DRD2: variants seen among roughly 807,000 people sequenced by gnomAD.
DRD2 encodes D(2) dopamine receptor.
Under a neutral mutation model 38.0 loss-of-function variants are expected in DRD2, and 8 were observed. The ratio of observed to expected loss-of-function variants is 0.21; its 90% CI spans 0.12 to 0.38. The LOEUF is 0.38. Among genes scored for constraint, DRD2 ranks in the 10% least tolerant of loss-of-function variants. The probability of loss-of-function intolerance (pLI) is 1.00; values close to 1 mark genes in which losing one functional copy is unlikely to be tolerated. For synonymous variants in DRD2, 230 were observed against 238.6 expected (o/e 0.96, Z 0.33); for missense variants, 403 against 607.7 (o/e 0.66, Z 3.54).
At chr11:113,472,542 GACTA>G (rs1300597289) in intron 1 of DRD2, among the ~76,000 whole-genome samples, 2 of 152,184 alleles carry the variant, frequency 1.3e-5, no homozygotes, top group Non-Finnish European at 1.5e-5. Context: ...GAAGGTACAA[GACTA>G]ACTAGCCCAC....
intron 1 of DRD2, among the ~76,000 whole-genome samples, chr11:113,458,337 A>T (rs1054224870): frequency 5.3e-5 from 8 of 152,016 alleles, no homozygotes; most frequent in African/African-American, 1.9e-4. Context: ...TGCATATGTA[A>T]TCTCTGACCC....
chr11:113,421,537 A>G, intron 2 of DRD2, among the ~76,000 whole-genome samples: 1 of 152,168 alleles, frequency 6.6e-6, no homozygotes, highest in Non-Finnish European at 1.5e-5. Context: ...AACTCTTCCA[A>G]TAGCATCTAG....
chr11:113,429,404 C>T (rs963387021), intron 1 of DRD2, among the ~76,000 whole-genome samples: 12 of 152,148 alleles, frequency 7.9e-5, no homozygotes. Flanking sequence ...GCCACCATGT[C>T]CAGCTAATTT....
At chr11:113,438,763 A>C (rs751265140) in intron 1 of DRD2, among the ~76,000 whole-genome samples, 2 of 152,240 alleles carry the variant, frequency 1.3e-5, no homozygotes, top group Admixed American at 1.3e-4. Context: ...CTAAGGATGC[A>C]ACAGCTATGA....
At chr11:113,457,729 A>C (rs1951280608) in intron 1 of DRD2, among the ~76,000 whole-genome samples, 1 of 152,240 alleles carries the variant, frequency 6.6e-6, no homozygotes, top group Non-Finnish European at 1.5e-5. Flanking sequence ...CAGACCTCTG[A>C]AGTATCTAAT....
chr11:113,460,250 G>T (rs547360348), intron 1 of DRD2, among the ~76,000 whole-genome samples: 1 of 152,330 alleles, frequency 6.6e-6, no homozygotes, highest in East Asian at 1.9e-4. Context: ...GGCTGGCATT[G>T]GTGCCCTGCC....
At chr11:113,454,773 G>A (rs1157391374) in intron 1 of DRD2, among the ~76,000 whole-genome samples, 1 of 152,178 alleles carries the variant, frequency 6.6e-6, no homozygotes, top group Non-Finnish European at 1.5e-5. Flanking sequence ...ATATTATTCA[G>A]CCTTAAGAGA....
chr11:113,433,973 G>T lies in DRD2; in HGVS notation c.-31-9291C>A, dbSNP rs991667355. Among the ~76,000 whole-genome samples the T allele has an allele frequency of 3.3e-5, 5 of 152,150 alleles. No homozygotes were observed. In the South Asian group the frequency reaches 1.0e-3, roughly 31 times the overall value. ...AGGCAGCCACATGCACCCTCCTTGA[G>T]TCCCAACTCCTAACCCTAAGCCCCT... On this transcript the variant is annotated intron_variant, in intron 1 of 7. Coordinates refer to ENST00000362072, the MANE Select transcript of DRD2 (RefSeq NM_000795.4).
intron 1 of DRD2, among the ~76,000 whole-genome samples, chr11:113,449,308 G>C (rs1287218429): frequency 6.6e-6 from 1 of 152,148 alleles, no homozygotes; most frequent in African/African-American, 2.4e-5. Context: ...TGCTCCCATA[G>C]AGTCTGATAT....
At chr11:113,443,138 G>A (rs1951109291) in intron 1 of DRD2, among the ~76,000 whole-genome samples, 1 of 152,024 alleles carries the variant, frequency 6.6e-6, no homozygotes, top group Non-Finnish European at 1.5e-5. Flanking sequence ...TGTATGCTTG[G>A]GTTGTTTGAG....
intron 5 of DRD2, among the ~76,000 whole-genome samples, chr11:113,414,901 G>T (rs1340851151): frequency 6.6e-6 from 1 of 152,208 alleles, no homozygotes; most frequent in Non-Finnish European, 1.5e-5. Context: ...TGTTCCTTCT[G>T]TGCCCACACA....
At chr11:113,453,035 T>C (rs1031368391) in intron 1 of DRD2, among the ~76,000 whole-genome samples, 6 of 152,176 alleles carry the variant, frequency 3.9e-5, no homozygotes, top group African/African-American at 1.4e-4. Context: ...GCCTGTATTT[T>C]AGTCCTGGGG....
In DRD2 at chr11:113,461,722, G is replaced by A. The variant is rs185199052; in HGVS notation, c.-32+13354C>T. ...TAGAGCATTAGTCTGAGATCCTGGT[G>A]TATAGGAGGCATTTAATAAATGCTT... On this transcript the variant is annotated intron_variant, in intron 1 of 7. Transcript: ENST00000362072. 8.8e-4 allele frequency among the ~76,000 whole-genome samples: 134 copies of A among 152,314 alleles called. 1 individual carries two copies. Among genetic ancestry groups the A allele is most frequent in the African/African-American group, 3.1e-3 (127 of 41,552 alleles).
intron 1 of DRD2, among the ~76,000 whole-genome samples, chr11:113,472,382 G>T (rs1221905136): frequency 6.6e-6 from 1 of 152,192 alleles, no homozygotes; most frequent in Non-Finnish European, 1.5e-5. Context: ...TCAGGAGTAT[G>T]TGAGGCCATA....
chr11:113,445,381 G>A (rs925078228), intron 1 of DRD2, among the ~76,000 whole-genome samples: 3 of 152,156 alleles, frequency 2.0e-5, no homozygotes, highest in African/African-American at 7.2e-5. Context: ...AAGGGTATAG[G>A]GGAACTCTCT....
chr11:113,423,924 T>C (rs1426026675), intron 2 of DRD2, among the ~76,000 whole-genome samples: 2 of 152,184 alleles, frequency 1.3e-5, no homozygotes, highest in African/African-American at 2.4e-5. Flanking sequence ...ATGCCCCTCC[T>C]TGGGGATCCT....
chr11:113,418,224 C>T, intron 2 of DRD2, 88 bp from the exon 3 acceptor site: 1 of 1,103,136 alleles, frequency 9.1e-7, no homozygotes, highest in Non-Finnish European at 1.4e-6. Flanking sequence ...GCCGATGAGG[C>T]CACAGACTCA....
intron 6 of DRD2, 143 bp downstream of exon 6, chr11:113,414,232 T>G: frequency 3.7e-6 from 3 of 801,416 alleles, no homozygotes; most frequent in Non-Finnish European, 6.8e-6. Context: ...GTGTGCACGG[T>G]GAGTCTGCCT....
intron 1 of DRD2, among the ~76,000 whole-genome samples, chr11:113,467,354 G>T (rs1436051481): frequency 6.6e-6 from 1 of 152,166 alleles, no homozygotes; most frequent in Non-Finnish European, 1.5e-5. Flanking sequence ...CAACAAGAGG[G>T]ATTATCTTTA....
Sources: allele counts gnomAD v4.1 joint callset (sites outside exome capture counted in the v4.1 genomes callset), GRCh38; gene constraint gnomAD v4.1.1; transcripts MANE v1.5; gene names NCBI Gene and HGNC (gene_info 2026-07-23, HGNC 2026-07-21).